EPB41L1: variants seen among roughly 807,000 people sequenced by gnomAD.
The protein encoded by EPB41L1 is band 4.1-like protein 1.
In EPB41L1, 29 loss-of-function variants were observed where a neutral mutation model predicts 97.8. That is an observed-to-expected ratio of 0.30 (90% confidence interval 0.22 to 0.40). The LOEUF (loss-of-function observed/expected upper bound fraction) is 0.40. Among genes scored for constraint, EPB41L1 ranks in the 10% least tolerant of loss-of-function variants. The pLI is 1.00. For missense variants in EPB41L1, 812 were observed against 1,162.3 expected, an observed-to-expected ratio of 0.70 and a Z score of 4.38; for synonymous variants, 383 against 459.2, an observed-to-expected ratio of 0.83 and a Z score of 2.12.
rs186638109 is a variant in EPB41L1 at position 36,118,939 on chromosome 20, G to T, written c.-10+6459G>T. ...GGAAAGATGAAATGACTTACCTAGG[G>T]CAATTGAATTAGAGTTTTAGAGAGT... On this transcript the variant is annotated intron_variant, in intron 2 of 19. Coordinates refer to the EPB41L1 transcript ENST00000202028. 4.4e-3 allele frequency among the ~76,000 whole-genome samples: 673 copies of T among 152,246 alleles called. 4 individuals carry two copies. The highest frequency in any genetic ancestry group is 7.0e-3 in the South Asian group (34 of 4,832).
chr20:36,202,341 TCTGCCCG>T (rs1249475402), intron 14 of EPB41L1, among the ~76,000 whole-genome samples: 1 of 152,250 alleles, frequency 6.6e-6, no homozygotes, highest in Non-Finnish European at 1.5e-5. Context: ...TAGGTCTCAT[TCTGCCCG>T]CTGGTGCCCG....
At chr20:36,126,207 G>A (rs528696104) in intron 2 of EPB41L1, among the ~76,000 whole-genome samples, 1 of 152,220 alleles carries the variant, frequency 6.6e-6, no homozygotes, top group East Asian at 1.9e-4. Context: ...CCTCCTGTGG[G>A]GACACCGTGC....
intron 2 of EPB41L1, among the ~76,000 whole-genome samples, chr20:36,140,281 T>C (rs574913835): frequency 7.0e-6 from 1 of 142,930 alleles, no homozygotes; most frequent in South Asian, 2.3e-4. Flanking sequence ...ATGTTGGCCG[T>C]GCTGGTCTTG....
intron 2 of EPB41L1, among the ~76,000 whole-genome samples, chr20:36,140,152 T>C (rs1446809933): frequency 1.3e-5 from 2 of 151,962 alleles, no homozygotes; most frequent in African/African-American, 4.8e-5. Flanking sequence ...CTTCCCAGAT[T>C]CAAGTGATTC....
intron 14 of EPB41L1, chr20:36,208,150 C>G (rs575725395): frequency 6.2e-6 from 2 of 324,374 alleles, no homozygotes; most frequent in South Asian, 5.1e-5. Flanking sequence ...GCTTGTCCAG[C>G]GATCTTTCTT....
chr20:36,205,004 T>C (rs1471241901), intron 14 of EPB41L1, among the ~76,000 whole-genome samples: 1 of 152,218 alleles, frequency 6.6e-6, no homozygotes, highest in Admixed American at 6.5e-5. Flanking sequence ...TGATGCATTC[T>C]ATTGAGTTCT....
At position 36,207,893 on chromosome 20, in the gene EPB41L1, A is replaced by T. The variant is rs115843846; in HGVS notation, c.1669-1595A>T. 9.8e-6 allele frequency: 11 copies of T among 1,123,090 alleles called. No homozygotes were observed. The East Asian group carries it at 2.9e-4, about 30-fold the overall frequency. The allele number at this position is 1,123,090 out of a possible 1,614,324, so 69.6% of individuals were successfully genotyped here. ...TCAGTGGCCCCTCGTCATTTCTGCA[A>T]TCAGAGGCTGCTTATCCATCCCTGT... On this transcript the variant is annotated intron_variant, in intron 14 of 21. Transcript: ENST00000338074. The surrounding 1 kb of genome is among the most constrained non-coding windows in gnomAD (Gnocchi z 4.9).
chr20:36,197,728 G>A (rs2146531965), intron 13 of EPB41L1, 131 bp from the exon 14 acceptor site: 2 of 1,570,688 alleles, frequency 1.3e-6, no homozygotes, highest in East Asian at 2.3e-5. Context: ...CCATGAGAGT[G>A]ACACAGGTCA....
intron 1 of EPB41L1, chr20:36,110,948 G>A (rs1032876085): frequency 6.6e-6 from 1 of 152,176 alleles, no homozygotes; most frequent in Non-Finnish European, 1.5e-5. Flanking sequence ...CCGCAGTGTA[G>A]GGGTCTCAGC....
intron 1 of EPB41L1, among the ~76,000 whole-genome samples, chr20:36,095,782 G>A (rs375960147): frequency 5.3e-5 from 8 of 152,168 alleles, no homozygotes; most frequent in South Asian, 2.1e-4. Flanking sequence ...GGTGGCTCAC[G>A]CCTGTAATCC....
chr20:36,154,811 C>T lies in EPB41L1; in HGVS notation c.-100C>T. On this transcript the variant is annotated 5_prime_UTR_variant, in exon 1 of 22. Transcript: ENST00000338074. This position sits in a 1 kb window ranked among gnomAD's most constrained non-coding sequence, Gnocchi z 5.5. ...CGCAGAGCCCGCCGCGACCCCGCGC[C>T]GCCCCGCCCCGCGGCCTGCCTGCCA... is the stretch of plus-strand genomic sequence containing the variant. 7.1e-6 allele frequency: 7 copies of T among 991,178 alleles called. No individual in the cohort carries two copies. In the South Asian group the frequency reaches 3.1e-4, roughly 44 times the overall value. The allele number at this position is 991,178 out of a possible 1,614,324, so 61.4% of individuals were successfully genotyped here.
chr20:36,227,303 A>T (rs1486715714), intron 21 of EPB41L1, among the ~76,000 whole-genome samples: 1 of 152,136 alleles, frequency 6.6e-6, no homozygotes, highest in Non-Finnish European at 1.5e-5. Context: ...GCAATAGAGC[A>T]AGACCCTGTA....
upstream of EPB41L1, among the ~76,000 whole-genome samples, chr20:36,154,220 G>A: frequency 6.6e-6 from 1 of 152,148 alleles, no homozygotes; most frequent in East Asian, 1.9e-4. The surrounding 1 kb of genome is among the most constrained non-coding windows in gnomAD (Gnocchi z 5.5). Flanking sequence ...TGTGCTGCAG[G>A]GGTGGTGAGG....
At chr20:36,176,578 A>C (rs1359715381) in intron 3 of EPB41L1, among the ~76,000 whole-genome samples, 2 of 151,076 alleles carry the variant, frequency 1.3e-5, no homozygotes, top group African/African-American at 2.4e-5. Context: ...CCTCTTCTCT[A>C]CAGGGTTTTG....
intron 2 of EPB41L1, among the ~76,000 whole-genome samples, chr20:36,116,711 C>G (rs2058595368): frequency 6.6e-6 from 1 of 152,180 alleles, no homozygotes; most frequent in Non-Finnish European, 1.5e-5. Context: ...GCATATGCCT[C>G]TCACCCATGG....
At chr20:36,229,032 C>A (rs560607626) in intron 21 of EPB41L1, among the ~76,000 whole-genome samples, 1 of 152,186 alleles carries the variant, frequency 6.6e-6, no homozygotes. Flanking sequence ...CTGCCACACA[C>A]AAGCTGCGTG....
intron 21 of EPB41L1, among the ~76,000 whole-genome samples, chr20:36,228,513 C>T (rs2064316057): frequency 6.6e-6 from 1 of 152,212 alleles, no homozygotes; most frequent in Admixed American, 6.5e-5. Context: ...CTGTAATGTG[C>T]ATTGATTGTG....
rs759143037 is a variant in EPB41L1, at chr20:36,198,965, C to T, written c.1668+924C>T. Among the ~76,000 whole-genome samples the T allele has an allele frequency of 2.3e-4, 35 of 152,030 alleles. 1 individual carries two copies. Among genetic ancestry groups the T allele is most frequent in the Non-Finnish European group, 4.9e-4 (33 of 68,018 alleles). The stretch of plus-strand genomic sequence containing the variant: ...TGTAAGGATTAAACGAGATAATGCA[C>T]GTAGAGGGACTAGCAGAGTACCTTG... On this transcript the variant is annotated intron_variant, in intron 14 of 21. Transcript: ENST00000338074.
At chr20:36,156,335 T>C (rs116265736) in intron 1 of EPB41L1, among the ~76,000 whole-genome samples, 28 of 152,362 alleles carry the variant, frequency 1.8e-4, no homozygotes, top group African/African-American at 5.8e-4. Context: ...CTTCCTGGGC[T>C]ATGTGACAGT....
Sources: allele counts gnomAD v4.1 joint callset (sites outside exome capture counted in the v4.1 genomes callset), GRCh38; gene constraint gnomAD v4.1.1; non-coding constraint Gnocchi (gnomAD v3.1); transcripts MANE v1.5; gene names NCBI Gene and HGNC (gene_info 2026-07-23, HGNC 2026-07-21).